Variants in GLB1 observed in about 807,000 individuals in gnomAD.
The protein encoded by GLB1 is galactosidase beta 1, also known as beta-galactosidase.
A neutral mutation model predicts 74.0 loss-of-function variants in GLB1; 56 were observed. The ratio of observed to expected loss-of-function variants is 0.76; its 90% CI spans 0.61 to 0.94. The LOEUF (loss-of-function observed/expected upper bound fraction) is 0.94. GLB1 is among the 40% of genes least tolerant of loss of function. GLB1 has a pLI of 0.00. For missense variants in GLB1, 787 were observed against 845.5 expected, an observed-to-expected ratio of 0.93 and a Z score of 0.86; for synonymous variants, 323 against 323.6, an observed-to-expected ratio of 1.00 and a Z score of 0.02.
At chr3:33,028,529 T>C (rs1697870111) in intron 10 of GLB1, among the ~76,000 whole-genome samples, 1 of 152,176 alleles carries the variant, frequency 6.6e-6, no homozygotes, top group South Asian at 2.1e-4. Flanking sequence ...CATTATCCTT[T>C]TAAATTTTTA....
chr3:32,998,529 G>T (rs1223753107), intron 15 of GLB1, among the ~76,000 whole-genome samples: 2 of 148,654 alleles, frequency 1.3e-5, no homozygotes, highest in Non-Finnish European at 3.0e-5. Context: ...AAAAAAAAAA[G>T]ATTTGCTCAA....
chr3:33,075,234 G>T (rs1357278025), intron 1 of GLB1, among the ~76,000 whole-genome samples: 1 of 152,188 alleles, frequency 6.6e-6, no homozygotes, highest in Admixed American at 6.5e-5. Flanking sequence ...TGGCCCATGA[G>T]GTGGGAACAT....
chr3:32,989,498 T>A, the GLB1 span, among the ~76,000 whole-genome samples: 87 of 152,288 alleles, frequency 5.7e-4, no homozygotes, highest in Admixed American at 5.9e-4. Context: ...GAATAAGTCA[T>A]CTTCCAGTGT....
At chr3:33,078,602 T>C (rs1700213552) in intron 1 of GLB1, among the ~76,000 whole-genome samples, 1 of 152,142 alleles carries the variant, frequency 6.6e-6, no homozygotes, top group South Asian at 2.1e-4. Context: ...AGTCCAATGA[T>C]TCAGTTGTTC....
At chr3:32,979,546 A>T in the GLB1 span, among the ~76,000 whole-genome samples, 1 of 151,846 alleles carries the variant, frequency 6.6e-6, no homozygotes, top group Non-Finnish European at 1.5e-5. Context: ...AAAGGGTAGA[A>T]TTTTATTGTC....
the GLB1 span, among the ~76,000 whole-genome samples, chr3:32,984,206 G>A: frequency 6.6e-6 from 1 of 152,044 alleles, no homozygotes; most frequent in Non-Finnish European, 1.5e-5. Context: ...ATCAGGGATG[G>A]GTTGTTAGTT....
chr3:33,030,908 G>C, intron 10 of GLB1: 3 of 751,444 alleles, frequency 4.0e-6, no homozygotes, highest in Non-Finnish European at 4.9e-6. Context: ...GGAATCAGTA[G>C]GGAAGAGGAG....
chr3:33,034,747 T>C, intron 10 of GLB1: 4 of 679,638 alleles, frequency 5.9e-6, no homozygotes, highest in East Asian at 6.5e-5. Context: ...GTATCAGTGA[T>C]GTCAACAAGG....
chr3:32,969,534 G>A, the GLB1 span, among the ~76,000 whole-genome samples: 13 of 152,290 alleles, frequency 8.5e-5, no homozygotes, highest in South Asian at 2.1e-4. Flanking sequence ...AAAGCAGGCT[G>A]CAATGACAAC....
downstream of GLB1, among the ~76,000 whole-genome samples, chr3:32,994,670 C>T (rs898018602): frequency 1.3e-5 from 2 of 152,010 alleles, no homozygotes; most frequent in African/African-American, 4.8e-5. Flanking sequence ...CCTGTAATCC[C>T]GGCGATTTGG....
chr3:33,021,156 G>A (rs142013502), intron 12 of GLB1: 5 of 196,434 alleles, frequency 2.5e-5, no homozygotes, highest in Admixed American at 5.5e-5. Context: ...GAATCTCAAA[G>A]AACCTAGTCT....
chr3:32,977,268 G>A, the GLB1 span, among the ~76,000 whole-genome samples: 10 of 150,338 alleles, frequency 6.7e-5, no homozygotes, highest in Admixed American at 2.0e-4. Context: ...GTGCAGTGGC[G>A]CAATCTCGGC....
intron 6 of GLB1, among the ~76,000 whole-genome samples, chr3:33,057,202 G>A (rs1699258188): frequency 1.3e-5 from 2 of 152,104 alleles, no homozygotes; most frequent in Admixed American, 6.5e-5. Flanking sequence ...TCTTCCTCCC[G>A]CTCTGTCCAT....
chr3:33,012,066 T>C (rs1269409190), intron 15 of GLB1, among the ~76,000 whole-genome samples: 4 of 152,194 alleles, frequency 2.6e-5, no homozygotes. Flanking sequence ...CTTCATCATG[T>C]TTTTGTCCCT....
the GLB1 span, among the ~76,000 whole-genome samples, chr3:32,967,329 G>T: frequency 3.9e-5 from 6 of 152,216 alleles, no homozygotes; most frequent in Non-Finnish European, 7.3e-5. Flanking sequence ...TACTTTGGGA[G>T]GCCAAGACAG....
At chr3:32,977,734 A>G in the GLB1 span, among the ~76,000 whole-genome samples, 2 of 152,276 alleles carry the variant, frequency 1.3e-5, no homozygotes, top group Non-Finnish European at 2.9e-5. Context: ...GTAAACAAAG[A>G]ACTATAATAT....
At chr3:33,092,481 T>G in intron 1 of GLB1, 1 of 1,051,778 alleles carries the variant, frequency 9.5e-7, no homozygotes, top group South Asian at 4.1e-5. Context: ...CCGCCCCACC[T>G]TCTAGAGGTA....
chr3:32,976,576 A>G, the GLB1 span, among the ~76,000 whole-genome samples: 2 of 152,092 alleles, frequency 1.3e-5, no homozygotes, highest in East Asian at 1.9e-4. Context: ...CCTTATCCCA[A>G]GGGCTTGGCC....
chr3:33,096,949 C>G, intron 1 of GLB1, 62 bp downstream of exon 1: 2 of 1,581,060 alleles, frequency 1.3e-6, no homozygotes, highest in Non-Finnish European at 1.7e-6. Context: ...CGACCCCAGC[C>G]CGGTTCCCCG....
Sources: gnomAD v4.1 joint callset for allele counts (sites outside exome capture counted in the v4.1 genomes callset) on GRCh38, gnomAD v4.1.1 for gene constraint, MANE v1.5 for transcripts, NCBI Gene and HGNC (gene_info 2026-07-23, HGNC 2026-07-21) for gene names.